SWT1: variants seen among roughly 807,000 people sequenced by gnomAD.
SWT1 encodes the protein SWT1 RNA endoribonuclease homolog.
SWT1 carries 33 observed loss-of-function variants against 107.3 expected under a neutral mutation model. The observed-to-expected ratio is 0.31, with a 90% CI of 0.23 to 0.41. The LOEUF (loss-of-function observed/expected upper bound fraction) is 0.41. Ranked by LOEUF, SWT1 falls within the 10% of genes least tolerant of loss-of-function variation. SWT1 has a pLI of 1.00. For synonymous variants in SWT1, 345 were observed against 348.3 expected, an observed-to-expected ratio of 0.99 and a Z score of 0.11; for missense variants, 898 against 1,028.9, an observed-to-expected ratio of 0.87 and a Z score of 1.74.
At chr1:185,186,158 G>A (rs1016664918) in intron 9 of SWT1, among the ~76,000 whole-genome samples, 3 of 152,074 alleles carry the variant, frequency 2.0e-5, no homozygotes, top group African/African-American at 7.2e-5. Flanking sequence ...AATAGCTTAT[G>A]GTTCAGAATA....
intron 16 of SWT1, among the ~76,000 whole-genome samples, chr1:185,269,760 C>G (rs1663714789): frequency 6.6e-6 from 1 of 152,190 alleles, no homozygotes; most frequent in African/African-American, 2.4e-5. Flanking sequence ...TAGCTTGAAA[C>G]TACAGATGAT....
intron 4 of SWT1, among the ~76,000 whole-genome samples, chr1:185,170,188 C>T (rs1654928246): frequency 6.6e-6 from 1 of 152,166 alleles, no homozygotes; most frequent in Non-Finnish European, 1.5e-5. Context: ...CAACTGTAGG[C>T]AAGCTCTTTT....
At chr1:185,187,020 G>A (rs1656535581) in intron 9 of SWT1, among the ~76,000 whole-genome samples, 1 of 132,328 alleles carries the variant, frequency 7.6e-6, no homozygotes, top group Non-Finnish European at 1.6e-5. Flanking sequence ...CTCCCAAAGT[G>A]CTAAGATTAC....
At position 185,207,310 on chromosome 1, in the gene SWT1, C is replaced by T. The variant is rs972376157; in HGVS notation, c.1972+547C>T. Among the ~76,000 whole-genome samples, 11 of 152,164 alleles carry T rather than the reference C, an allele frequency of 7.2e-5. 1 individual carries two copies. Among genetic ancestry groups the T allele is most frequent in the Admixed American group, 6.5e-4 (10 of 15,282 alleles). ...TAGTTGTTTTTTAAACTATATTGAA[C>T]AGAACTTTTGGCTTCTTGAAGTGCC... On this transcript the variant is annotated intron_variant, in intron 13 of 18. Transcript: ENST00000367500.
rs1442508315 is a variant in SWT1, at chr1:185,166,555, CT to C, written c.85-14del. On this transcript the variant is annotated splice_polypyrimidine_tract_variant and intron_variant, in intron 2 of 18. Coordinates refer to ENST00000367500, the MANE Select transcript of SWT1 (RefSeq NM_017673.7). Reference sequence around the variant, plus strand: ...TTTTGTGCTTTTTAAAATTCATTTTCTTTATTGCATTCTTAGGACAAGAAAG... The same window carrying C: ...TTTTGTGCTTTTTAAAATTCATTTTCTTATTGCATTCTTAGGACAAGAAAG... 1.3e-6 allele frequency: 2 copies of C among 1,526,906 alleles called. No individual in the cohort carries two copies. Among genetic ancestry groups the C allele is most frequent in the African/African-American group, 2.8e-5 (2 of 71,882 alleles). The allele number at this position is 1,526,906 out of a possible 1,614,324, so 94.6% of individuals were successfully genotyped here. A position where few individuals can be genotyped will look rare whatever the true frequency, so the allele number is the denominator to read the frequency against.
chr1:185,240,778 C>T (rs1235880836), intron 16 of SWT1, among the ~76,000 whole-genome samples: 1 of 151,998 alleles, frequency 6.6e-6, no homozygotes, highest in Non-Finnish European at 1.5e-5. Context: ...AAAATAATTG[C>T]AGTCATGAAG....
At chr1:185,161,925 A>G (rs1654182101) in intron 2 of SWT1, among the ~76,000 whole-genome samples, 1 of 152,200 alleles carries the variant, frequency 6.6e-6, no homozygotes, top group Admixed American at 6.5e-5. Context: ...GCAAAGGTGA[A>G]TATTCACAAA....
intron 16 of SWT1, among the ~76,000 whole-genome samples, chr1:185,239,926 C>T (rs960425252): frequency 4.6e-5 from 7 of 151,956 alleles, no homozygotes; most frequent in African/African-American, 1.7e-4. Flanking sequence ...GTTCTACTTT[C>T]TATATTGATC....
Position 185,182,075 on chromosome 1 carries a change from A to T in SWT1, c.1138+18A>T. On this transcript the variant is annotated intron_variant, in intron 7 of 18. Transcript: ENST00000367500. ...CTCCTCTGGTATACCCTATATGTTG[A>T]TGTGTATGCTCCCCTATGCTTTCCT... is the stretch of plus-strand genomic sequence containing the variant. 1 of 1,612,534 alleles carries T rather than the reference A, an allele frequency of 6.2e-7. No homozygotes were observed. The highest frequency in any genetic ancestry group is 8.5e-7 in the Non-Finnish European group (1 of 1,179,032).
At chr1:185,239,921 A>G (rs1661147630) in intron 16 of SWT1, among the ~76,000 whole-genome samples, 1 of 152,170 alleles carries the variant, frequency 6.6e-6, no homozygotes, top group South Asian at 2.1e-4. Flanking sequence ...GGAAAGTTCT[A>G]CTTTCTATAT....
At position 185,208,938 on chromosome 1, in the gene SWT1, T is replaced by C. The variant is rs76828943; in HGVS notation, c.1972+2175T>C. On this transcript the variant is annotated intron_variant, in intron 13 of 18. Coordinates refer to ENST00000367500, the MANE Select transcript of SWT1 (RefSeq NM_017673.7). ...GTTTATTGGTGCCTGAGGCTCAAAG[T>C]CAGAGTTGGCATTAGTTCATTGGTG... is the stretch of plus-strand genomic sequence containing the variant. 5.9e-3 allele frequency among the ~76,000 whole-genome samples: 901 copies of C among 152,232 alleles called. 34 individuals are homozygous for C. In the East Asian group the frequency reaches 0.096, roughly 16 times the overall value.
chr1:185,238,861 A>T (rs1445597191), intron 16 of SWT1, among the ~76,000 whole-genome samples: 5 of 152,132 alleles, frequency 3.3e-5, no homozygotes, highest in South Asian at 2.1e-4. Context: ...CAGTTTAAAA[A>T]TTTTTTTGCT....
At chr1:185,287,422 T>C (rs1182438139) in intron 18 of SWT1, among the ~76,000 whole-genome samples, 1 of 152,110 alleles carries the variant, frequency 6.6e-6, no homozygotes, top group East Asian at 1.9e-4. Flanking sequence ...TTGGAATAAT[T>C]CCTCTTGGAA....
chr1:185,182,630 A>G (rs1656109521), intron 7 of SWT1, among the ~76,000 whole-genome samples: 2 of 144,240 alleles, frequency 1.4e-5, no homozygotes. Flanking sequence ...GTGCCACTGC[A>G]TTCCAGCCTT....
chr1:185,270,077 G>A (rs1305724727), intron 16 of SWT1, among the ~76,000 whole-genome samples: 1 of 152,146 alleles, frequency 6.6e-6, no homozygotes, highest in Non-Finnish European at 1.5e-5. Flanking sequence ...ATATGCTGTT[G>A]TAATGACTTT....
At chr1:185,237,828 G>A (rs1383552925) in intron 16 of SWT1, among the ~76,000 whole-genome samples, 1 of 152,152 alleles carries the variant, frequency 6.6e-6, no homozygotes, top group Non-Finnish European at 1.5e-5. Flanking sequence ...CCAGGGTTAA[G>A]AAGATTTAGC....
intron 4 of SWT1, chr1:185,171,648 A>AC (rs559418399): frequency 3.8e-6 from 2 of 525,446 alleles, no homozygotes; most frequent in Non-Finnish European, 7.4e-6. Flanking sequence ...TCAAGAGTGA[A>AC]CTTCAGAACC....
intron 16 of SWT1, chr1:185,264,308 A>G (rs1048095144): frequency 1.0e-6 from 1 of 979,264 alleles, no homozygotes; most frequent in African/African-American, 1.8e-5. Context: ...TTTATTGTCA[A>G]TATCAGGACT....
In SWT1 at chr1:185,198,753, T is replaced by G. The variant is rs1243213821; in HGVS notation, c.1524-3901T>G. ...TCAGAGACTAGGATTGCAACCCCTGTTTTTTTTTGTTTTTTTTTTTTGCTT... is the reference window on the plus strand; with the variant it reads ...TCAGAGACTAGGATTGCAACCCCTGGTTTTTTTTGTTTTTTTTTTTTGCTT... On this transcript the variant is annotated intron_variant, in intron 10 of 18. Coordinates refer to ENST00000367500, the MANE Select transcript of SWT1 (RefSeq NM_017673.7). Among the ~76,000 whole-genome samples the G allele has an allele frequency of 3.4e-5, 5 of 148,054 alleles. No homozygotes were observed. In the South Asian group the frequency reaches 6.4e-4, roughly 19 times the overall value.
Sources: allele counts gnomAD v4.1 joint callset (sites outside exome capture counted in the v4.1 genomes callset), GRCh38; gene constraint gnomAD v4.1.1; transcripts MANE v1.5; gene names NCBI Gene and HGNC (gene_info 2026-07-23, HGNC 2026-07-21).